Variants in SEC24A observed in about 807,000 individuals in gnomAD.
The protein encoded by SEC24A is protein transport protein Sec24A.
Under a neutral mutation model 129.4 loss-of-function variants are expected in SEC24A, and 93 were observed. The observed-to-expected ratio is 0.72, with a 90% confidence interval of 0.61 to 0.85. The LOEUF (loss-of-function observed/expected upper bound fraction) is 0.85. Among genes scored for constraint, SEC24A ranks in the 40% least tolerant of loss-of-function variants. The pLI is 0.00. For missense variants in SEC24A, 1,264 were observed against 1,307.4 expected (o/e 0.97, Z 0.51); for synonymous variants, 460 against 467.3 (o/e 0.98, Z 0.20).
chr5:134,711,779 G>A (rs949149744), intron 18 of SEC24A, among the ~76,000 whole-genome samples: 5 of 150,498 alleles, frequency 3.3e-5, no homozygotes, highest in African/African-American at 1.2e-4. Flanking sequence ...ATGGAGTCTC[G>A]CTGTGTCGCC....
intron 8 of SEC24A, 112 bp downstream of exon 8, chr5:134,679,840 A>G (rs1751204172): frequency 1.4e-6 from 1 of 697,012 alleles, no homozygotes; most frequent in South Asian, 4.6e-5. Flanking sequence ...CCTCTAGTCA[A>G]TCCTTCCACT....
At chr5:134,662,579 T>C (rs1360493364) in intron 2 of SEC24A, among the ~76,000 whole-genome samples, 1 of 152,182 alleles carries the variant, frequency 6.6e-6, no homozygotes, top group Non-Finnish European at 1.5e-5. Flanking sequence ...TTTAACCTTA[T>C]GTATGTTTAT....
chr5:134,686,943 T>C, intron 10 of SEC24A, 41 bp downstream of exon 10: 1 of 1,096,136 alleles, frequency 9.1e-7, no homozygotes, highest in Non-Finnish European at 1.3e-6. Context: ...ACTAATAATA[T>C]TTTCTAAATG....
At chr5:134,719,162 G>A (rs1046283095) in intron 20 of SEC24A, among the ~76,000 whole-genome samples, 1 of 151,888 alleles carries the variant, frequency 6.6e-6, no homozygotes, top group African/African-American at 2.4e-5. Flanking sequence ...CAGGCGGATT[G>A]CTTGAGGTCA....
intron 3 of SEC24A, among the ~76,000 whole-genome samples, chr5:134,667,966 C>A (rs1325625369): frequency 6.6e-6 from 1 of 152,142 alleles, no homozygotes; most frequent in Non-Finnish European, 1.5e-5. Context: ...GTAATCTCAG[C>A]ACTTTGGGAG....
Position 134,678,580 on chromosome 5 carries a change from A to AT in SEC24A, c.1255-1015dup, listed in dbSNP as rs1245465361. Among the ~76,000 whole-genome samples, 1,338 of 148,276 alleles carry AT rather than the reference A, an allele frequency of 9.0e-3. 19 individuals are homozygous for AT. Among genetic ancestry groups the AT allele is most frequent in the African/African-American group, 0.028 (1,099 of 39,814 alleles). On this transcript the variant is annotated intron_variant, in intron 7 of 22. Coordinates refer to ENST00000398844, the MANE Select transcript of SEC24A (RefSeq NM_021982.3). ...AAAGCACTGGGATATATATATATATATTTTTTTAATTTATTTCCAAGATGG... is the reference window on the plus strand; with the variant it reads ...AAAGCACTGGGATATATATATATATATTTTTTTTAATTTATTTCCAAGATGG...
intron 13 of SEC24A, among the ~76,000 whole-genome samples, chr5:134,694,927 G>A (rs747414534): frequency 2.0e-5 from 3 of 151,976 alleles, no homozygotes; most frequent in Non-Finnish European, 4.4e-5. Flanking sequence ...TTTGAGACCC[G>A]TATTTCCCAA....
chr5:134,659,215 G>C (rs1024000437), intron 1 of SEC24A, among the ~76,000 whole-genome samples: 1 of 151,890 alleles, frequency 6.6e-6, no homozygotes, highest in Non-Finnish European at 1.5e-5. Context: ...GGGACTACAG[G>C]CACCCGCCAC....
chr5:134,650,554 A>C (rs1201133721), intron 1 of SEC24A, among the ~76,000 whole-genome samples: 2 of 140,814 alleles, frequency 1.4e-5, no homozygotes, highest in Non-Finnish European at 3.1e-5. Context: ...TTTTTTTTTG[A>C]GATGGAGTCT....
At chr5:134,653,081 A>G (rs566362203) in intron 1 of SEC24A, among the ~76,000 whole-genome samples, 1 of 151,628 alleles carries the variant, frequency 6.6e-6, no homozygotes, top group South Asian at 2.1e-4. Context: ...CTGGGATTAC[A>G]GTTATGAGCC....
At chr5:134,696,666 T>C (rs1187051779) in intron 13 of SEC24A, among the ~76,000 whole-genome samples, 1 of 151,966 alleles carries the variant, frequency 6.6e-6, no homozygotes, top group Admixed American at 6.6e-5. Flanking sequence ...GCCTGGCTAA[T>C]TTTTTGTATT....
At chr5:134,713,114 G>T (rs955016345) in intron 18 of SEC24A, among the ~76,000 whole-genome samples, 2 of 151,182 alleles carry the variant, frequency 1.3e-5, no homozygotes, top group African/African-American at 4.9e-5. Context: ...TGTATTTTTA[G>T]TAGAGACGGG....
In SEC24A at chr5:134,693,745, A is replaced by G; in HGVS notation, c.1798A>G (p.Lys600Glu). The G allele has an allele frequency of 6.2e-7, 1 of 1,613,776 alleles. No individual in the cohort carries two copies. The highest frequency in any genetic ancestry group is 8.5e-7 in the Non-Finnish European group (1 of 1,179,908). The change falls in exon 13 of 23, where the codon AAA (lysine) becomes GAA (glutamate). Residue 600 changes from lysine (K) to glutamate (E), a missense_variant. Transcript: ENST00000398844. ...ESKELVQDLL[K>E]TLPQMFTKTL... ...TTACAAGCTCGTGCAAGATTTACTG[A>G]AAACTTTGCCACAAATGTTTACCAA...
At chr5:134,723,223 C>T (rs1470511794) in intron 21 of SEC24A, among the ~76,000 whole-genome samples, 1 of 151,306 alleles carries the variant, frequency 6.6e-6, no homozygotes, top group Non-Finnish European at 1.5e-5. Flanking sequence ...CCCAGCACTT[C>T]GGGAGGCCGA....
At chr5:134,656,592 C>T (rs1339284263) in intron 1 of SEC24A, among the ~76,000 whole-genome samples, 1 of 152,034 alleles carries the variant, frequency 6.6e-6, no homozygotes, top group Non-Finnish European at 1.5e-5. Flanking sequence ...AGCAATTCTC[C>T]TGCCTCAGCC....
chr5:134,649,348 G>A (rs1227558631), intron 1 of SEC24A, 175 bp downstream of exon 1: 4 of 476,468 alleles, frequency 8.4e-6, no homozygotes, highest in Non-Finnish European at 1.5e-5. Context: ...GTAGCCCCAG[G>A]CTCGTCTCAG....
intron 6 of SEC24A, 84 bp from the exon 7 acceptor site, chr5:134,675,939 A>C (rs1348888526): frequency 1.1e-6 from 1 of 932,782 alleles, no homozygotes; most frequent in African/African-American, 1.7e-5. Flanking sequence ...CAGTATTAAA[A>C]TGTATACCTT....
In SEC24A at chr5:134,693,944, C is replaced by A. The variant is rs367594644; in HGVS notation, c.1986+11C>A. 10 of 1,607,772 alleles carry A rather than the reference C, an allele frequency of 6.2e-6. No homozygotes were observed. Among genetic ancestry groups the A allele is most frequent in the Middle Eastern group, 1.6e-4 (1 of 6,072 alleles). ...AGGTCATCTGCTAAGGTTAGAGAGT[C>A]ATGAAATGTCTGATAAGGTTTATGC... On this transcript the variant is annotated intron_variant, in intron 13 of 22. Coordinates refer to ENST00000398844, the MANE Select transcript of SEC24A (RefSeq NM_021982.3).
At chr5:134,687,797 T>C (rs1202502798) in intron 10 of SEC24A, among the ~76,000 whole-genome samples, 1 of 152,248 alleles carries the variant, frequency 6.6e-6, no homozygotes, top group Non-Finnish European at 1.5e-5. Flanking sequence ...CTTTTCTTTG[T>C]TCTTAAATAT....
Sources: gnomAD v4.1 joint callset for allele counts (sites outside exome capture counted in the v4.1 genomes callset) on GRCh38, gnomAD v4.1.1 for gene constraint, MANE v1.5 for transcripts, NCBI Gene and HGNC (gene_info 2026-07-23, HGNC 2026-07-21) for gene names.